TMTC2: variants seen among roughly 807,000 people sequenced by gnomAD.
The protein encoded by TMTC2 is transmembrane O-mannosyltransferase targeting cadherins 2.
In TMTC2, 43 loss-of-function variants were observed where a neutral mutation model predicts 82.4. The ratio of observed to expected loss-of-function variants is 0.52; its 90% CI spans 0.41 to 0.67. TMTC2 has a LOEUF of 0.67. Among genes scored for constraint, TMTC2 ranks in the 30% least tolerant of loss-of-function variants. The probability of loss-of-function intolerance (pLI) is 0.00; values close to 1 mark genes in which losing one functional copy is unlikely to be tolerated. For missense variants in TMTC2, 919 were observed against 1,012.4 expected (o/e 0.91, Z 1.25); for synonymous variants, 408 against 381.9 (o/e 1.07, Z -0.80).
chr12:83,007,548 C>T (rs990280452), intron 8 of TMTC2, among the ~76,000 whole-genome samples: 4 of 152,118 alleles, frequency 2.6e-5, no homozygotes, highest in Non-Finnish European at 5.9e-5. Context: ...AATTACCTTA[C>T]GGAGTATTCA....
intron 6 of TMTC2, among the ~76,000 whole-genome samples, chr12:82,966,372 C>T (rs79908149): frequency 0.046 from 7,054 of 152,124 alleles, 290 homozygotes; most frequent in African/African-American, 0.11. Context: ...CTTATTGCCC[C>T]TCTCTCCCCT....
intron 1 of TMTC2, among the ~76,000 whole-genome samples, chr12:82,854,011 T>C (rs188142008): frequency 3.2e-4 from 48 of 152,150 alleles, no homozygotes; most frequent in Non-Finnish European, 5.9e-4. Flanking sequence ...CTGGGTAGAC[T>C]CTTGATGAAT....
intron 8 of TMTC2, among the ~76,000 whole-genome samples, chr12:82,996,637 G>T (rs960513498): frequency 1.3e-5 from 2 of 152,120 alleles, no homozygotes; most frequent in African/African-American, 4.8e-5. Context: ...TTGTCAGTTT[G>T]ACATTAGCTG....
intron 7 of TMTC2, among the ~76,000 whole-genome samples, chr12:82,985,205 C>A (rs2137336332): frequency 6.6e-6 from 1 of 152,102 alleles, no homozygotes; most frequent in Admixed American, 6.6e-5. Flanking sequence ...TCTACACCTG[C>A]ATGACACCAC....
intron 11 of TMTC2, among the ~76,000 whole-genome samples, chr12:83,103,992 G>A (rs1884315827): frequency 6.6e-6 from 1 of 152,190 alleles, no homozygotes; most frequent in Non-Finnish European, 1.5e-5. Flanking sequence ...AAATGAAAGG[G>A]ACTACAGGCC....
intron 11 of TMTC2, among the ~76,000 whole-genome samples, chr12:83,106,406 G>A (rs1382866038): frequency 6.6e-6 from 1 of 151,446 alleles, no homozygotes; most frequent in African/African-American, 2.4e-5. Context: ...GGCTGAGGCA[G>A]GAGAATCACC....
chr12:83,030,941 T>A (rs1881406609), intron 9 of TMTC2, 62 bp downstream of exon 9: 3 of 1,252,894 alleles, frequency 2.4e-6, no homozygotes, highest in Non-Finnish European at 3.5e-6. Flanking sequence ...TGATATGAGA[T>A]CTAGGCTTTG....
intron 1 of TMTC2, among the ~76,000 whole-genome samples, chr12:82,693,735 C>T (rs537360911): frequency 1.1e-4 from 17 of 151,538 alleles, no homozygotes; most frequent in African/African-American, 3.6e-4. Context: ...TTTGGGAGGC[C>T]GAGGCGGGTG....
At chr12:82,944,034 G>A (rs1426320980) in intron 4 of TMTC2, among the ~76,000 whole-genome samples, 5 of 152,190 alleles carry the variant, frequency 3.3e-5, no homozygotes, top group South Asian at 2.1e-4. Flanking sequence ...AGACAGGTAA[G>A]TAAGGTGGTT....
At chr12:82,778,284 A>G (rs1161983732) in intron 1 of TMTC2, among the ~76,000 whole-genome samples, 1 of 152,118 alleles carries the variant, frequency 6.6e-6, no homozygotes, top group Non-Finnish European at 1.5e-5. Flanking sequence ...ATAATTTATT[A>G]TTTTTTTAAA....
chr12:82,778,691 T>C (rs1237173808), intron 1 of TMTC2, among the ~76,000 whole-genome samples: 1 of 150,968 alleles, frequency 6.6e-6, no homozygotes, highest in Non-Finnish European at 1.5e-5. Context: ...CTACTAAAAA[T>C]ACAAAAAATT....
intron 1 of TMTC2, among the ~76,000 whole-genome samples, chr12:82,737,229 T>C (rs540014043): frequency 3.9e-5 from 6 of 152,326 alleles, no homozygotes; most frequent in African/African-American, 4.8e-5. Context: ...CACATTGATG[T>C]AATTTAAATA....
At chr12:83,063,629 A>G (rs1882818125) in intron 11 of TMTC2, among the ~76,000 whole-genome samples, 1 of 151,900 alleles carries the variant, frequency 6.6e-6, no homozygotes, top group South Asian at 2.1e-4. Flanking sequence ...AGGTCACTGA[A>G]TACATAAGAG....
chr12:82,993,142 G>C (rs1434795535), intron 8 of TMTC2, among the ~76,000 whole-genome samples: 1 of 151,904 alleles, frequency 6.6e-6, no homozygotes, highest in Non-Finnish European at 1.5e-5. Flanking sequence ...ATGCCACCAC[G>C]CCTGGCTAAT....
chr12:82,920,636 T>G (rs556218296), intron 3 of TMTC2, among the ~76,000 whole-genome samples: 1 of 152,124 alleles, frequency 6.6e-6, no homozygotes, highest in East Asian at 1.9e-4. Context: ...CACTTCTTGA[T>G]TTTTTTTAGC....
intron 7 of TMTC2, 100 bp downstream of exon 7, chr12:82,967,097 ATCC>A: frequency 2.3e-6 from 2 of 876,306 alleles, no homozygotes; most frequent in Non-Finnish European, 3.5e-6. Context: ...AATCATATTA[ATCC>A]TCACAAAAGA....
chr12:82,821,785 A>G (rs530208824), intron 1 of TMTC2, among the ~76,000 whole-genome samples: 1 of 151,612 alleles, frequency 6.6e-6, no homozygotes, highest in African/African-American at 2.4e-5. Flanking sequence ...GAGGCAGATA[A>G]GTGCTTAAAC....
chr12:82,732,378 T>C (rs934531901), intron 1 of TMTC2, among the ~76,000 whole-genome samples: 1 of 152,182 alleles, frequency 6.6e-6, no homozygotes, highest in Non-Finnish European at 1.5e-5. Flanking sequence ...ATTCTTGTCC[T>C]GTCGCCCAGG....
intron 1 of TMTC2, among the ~76,000 whole-genome samples, chr12:82,703,429 A>G (rs1873177203): frequency 6.6e-6 from 1 of 152,106 alleles, no homozygotes; most frequent in African/African-American, 2.4e-5. Flanking sequence ...ATTCTAGGGA[A>G]AATTGGATAA....
Sources: gnomAD v4.1 joint callset for allele counts (sites outside exome capture counted in the v4.1 genomes callset) on GRCh38, gnomAD v4.1.1 for gene constraint, MANE v1.5 for transcripts, NCBI Gene and HGNC (gene_info 2026-07-23, HGNC 2026-07-21) for gene names.